LIMCH1: variants seen among roughly 807,000 people sequenced by gnomAD.
LIMCH1 encodes the protein LIM and calponin homology domains-containing protein 1.
Under a neutral mutation model 176.5 loss-of-function variants are expected in LIMCH1, and 113 were observed. That is an observed-to-expected ratio of 0.64 (90% confidence interval 0.55 to 0.75). LIMCH1 has a LOEUF of 0.75. LIMCH1 is among the 30% of genes least tolerant of loss of function. The pLI, the probability that LIMCH1 is intolerant of heterozygous loss-of-function variation, is 0.00. For synonymous variants in LIMCH1, 619 were observed against 645.9 expected (o/e 0.96, Z 0.63); for missense variants, 1,674 against 1,814.9 (o/e 0.92, Z 1.41).
At chr4:41,414,546 G>A (rs192119058) in intron 1 of LIMCH1, among the ~76,000 whole-genome samples, 2 of 152,282 alleles carry the variant, frequency 1.3e-5, no homozygotes, top group Non-Finnish European at 1.5e-5. Context: ...AAATCCGTAT[G>A]TCAGATACCG....
chr4:41,575,995 A>G (rs2084402497), intron 1 of LIMCH1, among the ~76,000 whole-genome samples: 1 of 152,256 alleles, frequency 6.6e-6, no homozygotes, highest in South Asian at 2.1e-4. Flanking sequence ...ATTGACTTCA[A>G]ATGAAAACTA....
At chr4:41,515,621 C>T (rs952503221) in intron 2 of LIMCH1, among the ~76,000 whole-genome samples, 4 of 152,246 alleles carry the variant, frequency 2.6e-5, no homozygotes, top group Non-Finnish European at 4.4e-5. Context: ...CAAGCTATGA[C>T]TAGCAGGTAT....
chr4:41,469,190 C>T (rs1446104381), intron 1 of LIMCH1, among the ~76,000 whole-genome samples: 1 of 152,202 alleles, frequency 6.6e-6, no homozygotes, highest in Non-Finnish European at 1.5e-5. Flanking sequence ...TTAAAGCCTA[C>T]CTCCCACAAC....
chr4:41,393,701 T>A (rs1383518173), intron 1 of LIMCH1, among the ~76,000 whole-genome samples: 2 of 152,190 alleles, frequency 1.3e-5, no homozygotes, highest in Non-Finnish European at 2.9e-5. Flanking sequence ...TAAAGACATA[T>A]AACAGAAGGA....
At chr4:41,654,165 T>C (rs1289685327) in intron 18 of LIMCH1, among the ~76,000 whole-genome samples, 1 of 152,208 alleles carries the variant, frequency 6.6e-6, no homozygotes, top group Non-Finnish European at 1.5e-5. Flanking sequence ...ACCTTACCAT[T>C]TTTCAATCCT....
intron 1 of LIMCH1, among the ~76,000 whole-genome samples, chr4:41,424,275 T>C (rs1445374197): frequency 6.6e-6 from 1 of 152,066 alleles, no homozygotes; most frequent in Non-Finnish European, 1.5e-5. Flanking sequence ...ACAGCAAAAG[T>C]AAATTGAGAC....
chr4:41,686,357 C>G (rs1439638411), intron 28 of LIMCH1, among the ~76,000 whole-genome samples: 8 of 152,136 alleles, frequency 5.3e-5, no homozygotes, highest in Non-Finnish European at 1.2e-4. Context: ...TCACTGAACC[C>G]TTCCAATAAC....
chr4:41,562,758 T>C (rs1178054414), intron 1 of LIMCH1, among the ~76,000 whole-genome samples: 4 of 152,142 alleles, frequency 2.6e-5, no homozygotes, highest in African/African-American at 9.7e-5. Context: ...GGGCTAAGGA[T>C]TTGACAGAAT....
intron 14 of LIMCH1, among the ~76,000 whole-genome samples, chr4:41,643,435 A>G (rs987736659): frequency 2.0e-5 from 3 of 152,174 alleles, no homozygotes; most frequent in African/African-American, 4.8e-5. Flanking sequence ...TGGGCTCCAT[A>G]GCCCACTTGT....
chr4:41,662,113 G>A (rs1585515960), intron 19 of LIMCH1, among the ~76,000 whole-genome samples: 1 of 151,662 alleles, frequency 6.6e-6, no homozygotes, highest in East Asian at 1.9e-4. Context: ...TTTTTATAAG[G>A]CCTTTCTCCA....
At chr4:41,612,150 A>G (rs1174370974) in intron 4 of LIMCH1, among the ~76,000 whole-genome samples, 1 of 152,032 alleles carries the variant, frequency 6.6e-6, no homozygotes, top group Admixed American at 6.6e-5. Flanking sequence ...CTTGATGCAA[A>G]GCTGTGTGTG....
Position 41,662,933 on chromosome 4 carries a change from G to A in LIMCH1, c.3240G>A (p.Lys1080=). ...ATGTGTCGGAAGAAAAAGACCAGAAGAAACCAGAAAATGAAATGAGTGGAA... is the reference window on the plus strand; with the variant it reads ...ATGTGTCGGAAGAAAAAGACCAGAAAAAACCAGAAAATGAAATGAGTGGAA... ...KNDVSEEKDQ[K]KPENEMSGKV... The change falls in exon 20 of 32, where the codon AAG becomes AAA. Residue 1080 remains lysine (K), a synonymous_variant. Transcript: ENST00000503057. 6.2e-7 allele frequency: 1 copy of A among 1,613,988 alleles called. No homozygotes were observed. The highest frequency in any genetic ancestry group is 8.5e-7 in the Non-Finnish European group (1 of 1,179,966).
At chr4:41,696,732 T>C (rs1357200908) in intron 31 of LIMCH1, among the ~76,000 whole-genome samples, 1 of 152,218 alleles carries the variant, frequency 6.6e-6, no homozygotes, top group African/African-American at 2.4e-5. Context: ...CTAGATCATA[T>C]GTCAAATTCC....
intron 3 of LIMCH1, among the ~76,000 whole-genome samples, chr4:41,604,880 A>G (rs2090479033): frequency 6.6e-6 from 1 of 152,048 alleles, no homozygotes; most frequent in Non-Finnish European, 1.5e-5. Context: ...ACATAACCAT[A>G]TTTTGGGTCT....
intron 17 of LIMCH1, among the ~76,000 whole-genome samples, chr4:41,648,897 TA>T (rs376535330): frequency 6.6e-6 from 1 of 151,102 alleles, no homozygotes; most frequent in Non-Finnish European, 1.5e-5. Flanking sequence ...TAGAATATAA[TA>T]AAAAAACATA....
rs927874177 is a variant in LIMCH1 at position 41,492,302 on chromosome 4, G to A, written c.97-2234G>A. ...TGGAATCCCAGGCACTGGGCAGGCC[G>A]AGGCAGGAGAATCACCGGAGCCCGA... On this transcript the variant is annotated intron_variant, in intron 1 of 26. Coordinates refer to the LIMCH1 transcript ENST00000313860. 3.9e-5 allele frequency among the ~76,000 whole-genome samples: 6 copies of A among 152,152 alleles called. No homozygotes were observed. The East Asian group carries it at 5.8e-4, about 15-fold the overall frequency.
At chr4:41,613,251 T>C in intron 4 of LIMCH1, 1 of 879,998 alleles carries the variant, frequency 1.1e-6, no homozygotes, top group Non-Finnish European at 1.8e-6. Flanking sequence ...AAAAAAACGT[T>C]GTGCATGATT....
intron 1 of LIMCH1, among the ~76,000 whole-genome samples, chr4:41,570,845 A>C (rs1386439849): frequency 1.3e-5 from 2 of 152,206 alleles, no homozygotes; most frequent in African/African-American, 4.8e-5. Context: ...CAGGAAGAGG[A>C]CTGAGAAAAA....
At chr4:41,524,555 A>G (rs571912880) in intron 3 of LIMCH1, 2 of 1,032,678 alleles carry the variant, frequency 1.9e-6, no homozygotes, top group Non-Finnish European at 1.5e-6. Context: ...ACCATTTATT[A>G]CAGTTCTCTC....
Sources: gnomAD v4.1 joint callset for allele counts (sites outside exome capture counted in the v4.1 genomes callset) on GRCh38, gnomAD v4.1.1 for gene constraint, MANE v1.5 for transcripts, NCBI Gene and HGNC (gene_info 2026-07-23, HGNC 2026-07-21) for gene names.